Variants in CSMD1 observed in about 807,000 individuals in gnomAD.
The protein encoded by CSMD1 is CUB and Sushi multiple domains 1.
Under a neutral mutation model 417.5 loss-of-function variants are expected in CSMD1, and 213 were observed. That is an observed-to-expected ratio of 0.51 (90% confidence interval 0.46 to 0.57). The LOEUF (loss-of-function observed/expected upper bound fraction) is 0.57, where lower values mean the gene tolerates loss of function less well. Among genes scored for constraint, CSMD1 ranks in the 20% least tolerant of loss-of-function variants. CSMD1 has a pLI of 0.00. For missense variants in CSMD1, 6,923 were observed against 4,529.7 expected (o/e 1.53, Z -15.17); for synonymous variants, 2,862 against 1,736.8 (o/e 1.65, Z -16.11).
In CSMD1 at chr8:3,277,961, C is replaced by T. The variant is rs184201913; in HGVS notation, c.4153+6183G>A. Among the ~76,000 whole-genome samples the T allele has an allele frequency of 6.7e-3, 1,017 of 152,220 alleles. 9 individuals are homozygous for T. Among genetic ancestry groups the T allele is most frequent in the African/African-American group, 0.023 (960 of 41,546 alleles). ...GCTGAGTAAAAGAAAAGTAAGCAAGCGTCATTTCTGCAGAAACCTTCGTGG... is the reference window on the plus strand; with the variant it reads ...GCTGAGTAAAAGAAAAGTAAGCAAGTGTCATTTCTGCAGAAACCTTCGTGG... On this transcript the variant is annotated intron_variant, in intron 26 of 69. Transcript: ENST00000635120.
intron 2 of CSMD1, among the ~76,000 whole-genome samples, chr8:4,555,817 A>G (rs1413931483): frequency 6.6e-6 from 1 of 152,166 alleles, no homozygotes; most frequent in Non-Finnish European, 1.5e-5. Context: ...TTAGCTTTTA[A>G]TATACTTTAA....
intron 3 of CSMD1, among the ~76,000 whole-genome samples, chr8:4,152,343 T>G (rs1003943192): frequency 6.6e-6 from 1 of 152,086 alleles, no homozygotes; most frequent in Non-Finnish European, 1.5e-5. Context: ...AGAAATCAGG[T>G]AGACACGTAA....
chr8:3,875,123 T>TG (rs1432300377), intron 5 of CSMD1, among the ~76,000 whole-genome samples: 2 of 138,364 alleles, frequency 1.4e-5, no homozygotes, highest in African/African-American at 3.0e-5. Flanking sequence ...GAACACATTG[T>TG]GGGGTTTGGA....
intron 12 of CSMD1, among the ~76,000 whole-genome samples, chr8:3,445,940 A>C (rs1306617332): frequency 2.0e-5 from 3 of 152,192 alleles, no homozygotes; most frequent in Admixed American, 6.6e-5. Context: ...AGAGAGACAG[A>C]GAGGCAACGA....
chr8:3,352,155 G>A (rs1808465330), intron 21 of CSMD1, among the ~76,000 whole-genome samples: 1 of 152,132 alleles, frequency 6.6e-6, no homozygotes, highest in Non-Finnish European at 1.5e-5. Flanking sequence ...AAACATGGGT[G>A]GGGAAGGAAT....
intron 5 of CSMD1, among the ~76,000 whole-genome samples, chr8:3,786,273 G>A (rs1365073597): frequency 6.6e-6 from 1 of 152,072 alleles, no homozygotes; most frequent in Non-Finnish European, 1.5e-5. Flanking sequence ...TGGATACATG[G>A]GCATGGAGGT....
intron 20 of CSMD1, among the ~76,000 whole-genome samples, chr8:3,364,440 C>T (rs1167773264): frequency 6.6e-6 from 1 of 152,172 alleles, no homozygotes; most frequent in Non-Finnish European, 1.5e-5. Flanking sequence ...CTGTTAACCA[C>T]TTTAAAGACC....
rs561670866 is a variant in CSMD1, at chr8:3,997,673, AGC to A, written c.818+228_818+229del. Among the ~76,000 whole-genome samples, 941 of 152,342 alleles carry A rather than the reference AGC, an allele frequency of 6.2e-3. 5 individuals carry two copies. Among genetic ancestry groups the A allele is most frequent in the Non-Finnish European group, 0.011 (717 of 68,022 alleles). On this transcript the variant is annotated intron_variant, in intron 5 of 69. Coordinates refer to ENST00000635120, the MANE Select transcript of CSMD1 (RefSeq NM_033225.6). Reference sequence around the variant, plus strand: ...CAAAAATGACAGCACTACAAGTTCAAGCACACAGATGACTTCCCGAGCTCCAA... The same window carrying A: ...CAAAAATGACAGCACTACAAGTTCAAACACAGATGACTTCCCGAGCTCCAA...
intron 3 of CSMD1, among the ~76,000 whole-genome samples, chr8:4,312,767 C>G (rs11783094): frequency 0.77 from 117,600 of 151,958 alleles, 45,718 homozygotes; most frequent in East Asian, 0.84. Flanking sequence ...CCAGCTACTC[C>G]GGAGGCTGAA....
At chr8:4,663,888 T>C (rs74453707) in intron 1 of CSMD1, among the ~76,000 whole-genome samples, 3 of 152,256 alleles carry the variant, frequency 2.0e-5, no homozygotes, top group East Asian at 3.9e-4. Flanking sequence ...AAAAGCATCC[T>C]GGGGTTCTTC....
chr8:4,723,804 A>AC (rs1809231145), intron 1 of CSMD1, among the ~76,000 whole-genome samples: 1 of 146,028 alleles, frequency 6.8e-6, no homozygotes, highest in Non-Finnish European at 1.5e-5. Flanking sequence ...AAAAAAACAA[A>AC]AAAAAAACAA....
At chr8:4,794,760 T>C (rs142215283) in intron 1 of CSMD1, among the ~76,000 whole-genome samples, 1 of 152,316 alleles carries the variant, frequency 6.6e-6, no homozygotes, top group Non-Finnish European at 1.5e-5. Context: ...GCCATTTGAA[T>C]TCCATGCCCA....
intron 3 of CSMD1, among the ~76,000 whole-genome samples, chr8:4,292,270 T>G (rs192637735): frequency 1.4e-4 from 22 of 152,296 alleles, no homozygotes; most frequent in African/African-American, 4.8e-4. Context: ...AGTTTTGTTT[T>G]GAGACAGAGT....
chr8:3,503,341 C>A (rs1045148466), intron 10 of CSMD1, among the ~76,000 whole-genome samples: 7 of 152,220 alleles, frequency 4.6e-5, no homozygotes, highest in Non-Finnish European at 8.8e-5. Context: ...AGGATTCACA[C>A]ATTATTTCAA....
chr8:4,453,880 G>T (rs903469184), intron 2 of CSMD1, among the ~76,000 whole-genome samples: 12 of 126,918 alleles, frequency 9.5e-5, no homozygotes, highest in South Asian at 7.9e-4. Context: ...GGAGTGCACT[G>T]GCGCGACCTC....
chr8:4,738,095 G>C (rs1810360666), intron 1 of CSMD1, among the ~76,000 whole-genome samples: 1 of 152,172 alleles, frequency 6.6e-6, no homozygotes, highest in African/African-American at 2.4e-5. Context: ...AGGTGAATGG[G>C]ACAACAGTAA....
intron 51 of CSMD1, among the ~76,000 whole-genome samples, chr8:3,029,030 T>A (rs1434352291): frequency 1.3e-5 from 2 of 152,206 alleles, no homozygotes; most frequent in Non-Finnish European, 2.9e-5. Flanking sequence ...GTTATCTTTT[T>A]ACACATAGGT....
At chr8:4,072,303 C>T in intron 3 of CSMD1, among the ~76,000 whole-genome samples, 1 of 152,160 alleles carries the variant, frequency 6.6e-6, no homozygotes, top group Non-Finnish European at 1.5e-5. Context: ...AAATACCTTC[C>T]TTTGCCTTCA....
intron 1 of CSMD1, among the ~76,000 whole-genome samples, chr8:4,720,974 G>A (rs975501540): frequency 3.3e-5 from 5 of 152,088 alleles, no homozygotes; most frequent in African/African-American, 1.2e-4. Flanking sequence ...CTACTTCACC[G>A]GAAGACAATT....
Sources: gnomAD v4.1 joint callset for allele counts (sites outside exome capture counted in the v4.1 genomes callset) on GRCh38, gnomAD v4.1.1 for gene constraint, MANE v1.5 for transcripts, NCBI Gene and HGNC (gene_info 2026-07-23, HGNC 2026-07-21) for gene names.